The following AKAP13 variants were observed in gnomAD, a reference collection of about 807,000 sequenced individuals.
AKAP13 encodes the protein A-kinase anchoring protein 13, also known as A-kinase anchor protein 13.
AKAP13 carries 80 observed loss-of-function variants against 264.5 expected under a neutral mutation model. The ratio of observed to expected loss-of-function variants is 0.30; its 90% CI spans 0.25 to 0.36. AKAP13 has a LOEUF of 0.36. Ranked by LOEUF, AKAP13 falls within the 10% of genes least tolerant of loss-of-function variation. The pLI is 1.00. For missense variants in AKAP13, 3,712 were observed against 3,435.2 expected (o/e 1.08, Z -2.01); for synonymous variants, 1,380 against 1,250.2 (o/e 1.10, Z -2.19).
chr15:85,424,824 A>G (rs1398190146), intron 1 of AKAP13, among the ~76,000 whole-genome samples: 1 of 152,172 alleles, frequency 6.6e-6, no homozygotes, highest in Non-Finnish European at 1.5e-5. Flanking sequence ...AGAAGCCATC[A>G]TGGGGTTATT....
intron 1 of AKAP13, among the ~76,000 whole-genome samples, chr15:85,439,505 A>G (rs1183421728): frequency 1.3e-5 from 2 of 151,606 alleles, no homozygotes; most frequent in Non-Finnish European, 2.9e-5. Flanking sequence ...ATGCTGCTGT[A>G]AAGACACATG....
chr15:85,588,678 T>A (rs1181551063), intron 8 of AKAP13, among the ~76,000 whole-genome samples: 2 of 152,210 alleles, frequency 1.3e-5, no homozygotes, highest in Non-Finnish European at 2.9e-5. Flanking sequence ...TCTCTAGTTT[T>A]AAGAGTTGAG....
At chr15:85,599,349 C>T (rs1330495874) in intron 8 of AKAP13, among the ~76,000 whole-genome samples, 3 of 152,142 alleles carry the variant, frequency 2.0e-5, no homozygotes, top group African/African-American at 4.8e-5. Flanking sequence ...GCTTTTAAAT[C>T]GAAAGACTGT....
At chr15:85,661,135 A>G (rs1284834867) in intron 12 of AKAP13, among the ~76,000 whole-genome samples, 2 of 152,090 alleles carry the variant, frequency 1.3e-5, no homozygotes, top group Admixed American at 1.3e-4. Context: ...GTAGCAGGGT[A>G]TTTTTTTAAT....
intron 1 of AKAP13, among the ~76,000 whole-genome samples, chr15:85,478,363 A>C (rs908836060): frequency 1.3e-5 from 2 of 152,204 alleles, no homozygotes; most frequent in Non-Finnish European, 2.9e-5. Flanking sequence ...AATAAACTCT[A>C]AAATGATTAT....
At chr15:85,534,642 TAGTC>T (rs1409024454) in intron 4 of AKAP13, 4 of 151,824 alleles carry the variant, frequency 2.6e-5, no homozygotes, top group Non-Finnish European at 4.4e-5. Context: ...TTCACCGTGT[TAGTC>T]AGGCTGGTCT....
chr15:85,549,190 G>C (rs1435965371), intron 5 of AKAP13, among the ~76,000 whole-genome samples: 1 of 152,138 alleles, frequency 6.6e-6, no homozygotes, highest in African/African-American at 2.4e-5. Context: ...TTATTCCCTA[G>C]TGTAATAGAT....
intron 9 of AKAP13, 49 bp downstream of exon 9, chr15:85,639,498 G>A: frequency 7.3e-7 from 1 of 1,376,040 alleles, no homozygotes. Context: ...CCCCACTCTG[G>A]CAGATCGTTT....
intron 1 of AKAP13, among the ~76,000 whole-genome samples, chr15:85,439,301 A>T (rs1375813817): frequency 3.3e-4 from 48 of 147,186 alleles, no homozygotes; most frequent in Admixed American, 6.8e-4. Context: ...AATGGCAATC[A>T]TTAAAAAGTC....
chr15:85,644,401 T>C (rs1029402610), intron 9 of AKAP13, among the ~76,000 whole-genome samples: 1 of 151,392 alleles, frequency 6.6e-6, no homozygotes, highest in African/African-American at 2.4e-5. Flanking sequence ...CCACCATGCC[T>C]GGCTAATTTT....
intron 1 of AKAP13, among the ~76,000 whole-genome samples, chr15:85,432,177 C>G (rs971367280): frequency 1.3e-5 from 2 of 152,050 alleles, no homozygotes; most frequent in Admixed American, 1.3e-4. Flanking sequence ...CAACTCAATT[C>G]TAACCTCATT....
chr15:85,705,158 T>G (rs2086157974), intron 17 of AKAP13, among the ~76,000 whole-genome samples: 1 of 152,236 alleles, frequency 6.6e-6, no homozygotes, highest in Admixed American at 6.5e-5. Flanking sequence ...GATTTTTTTC[T>G]GCTTCTATGT....
At chr15:85,409,216 C>T (rs966898008) in intron 1 of AKAP13, among the ~76,000 whole-genome samples, 35 of 151,650 alleles carry the variant, frequency 2.3e-4, no homozygotes, top group African/African-American at 7.8e-4. Flanking sequence ...TTTCACTCGT[C>T]GCCTAGCCTG....
chr15:85,622,513 A>T (rs990387054), intron 8 of AKAP13, among the ~76,000 whole-genome samples: 3 of 152,178 alleles, frequency 2.0e-5, no homozygotes. Context: ...CTTAACAGCT[A>T]TGGGGAGGAT....
intron 5 of AKAP13, among the ~76,000 whole-genome samples, chr15:85,561,858 C>T (rs1016569486): frequency 4.6e-5 from 7 of 152,130 alleles, no homozygotes; most frequent in African/African-American, 7.2e-5. Flanking sequence ...ATCCATAGTA[C>T]GCAATGATCT....
At chr15:85,559,502 A>G (rs2078279707) in intron 5 of AKAP13, among the ~76,000 whole-genome samples, 1 of 152,196 alleles carries the variant, frequency 6.6e-6, no homozygotes, top group South Asian at 2.1e-4. Flanking sequence ...GTAATATATA[A>G]TGAAATAATT....
intron 2 of AKAP13, among the ~76,000 whole-genome samples, chr15:85,500,803 A>G (rs2076018974): frequency 6.6e-6 from 1 of 152,110 alleles, no homozygotes. Flanking sequence ...CCCTTTTTAA[A>G]CCAGGAAAGA....
intron 5 of AKAP13, among the ~76,000 whole-genome samples, chr15:85,565,082 C>T (rs903451425): frequency 6.6e-6 from 1 of 152,142 alleles, no homozygotes; most frequent in Non-Finnish European, 1.5e-5. Flanking sequence ...CTTTTCATAT[C>T]TTAAAGTCTG....
intron 8 of AKAP13, among the ~76,000 whole-genome samples, chr15:85,630,709 G>T (rs776216148): frequency 3.9e-5 from 6 of 152,032 alleles, no homozygotes; most frequent in Non-Finnish European, 5.9e-5. Context: ...TTTTAAAATA[G>T]ATTTTTCCAT....
Sources: allele counts gnomAD v4.1 joint callset (sites outside exome capture counted in the v4.1 genomes callset), GRCh38; gene constraint gnomAD v4.1.1; transcripts MANE v1.5; gene names NCBI Gene and HGNC (gene_info 2026-07-23, HGNC 2026-07-21).